The following NCKAP1 variants were observed in gnomAD, a reference collection of about 807,000 sequenced individuals.
NCKAP1 encodes nck-associated protein 1.
In NCKAP1, 21 loss-of-function variants were observed where a neutral mutation model predicts 151.2. The ratio of observed to expected loss-of-function variants is 0.14; its 90% confidence interval spans 0.10 to 0.20. The LOEUF (loss-of-function observed/expected upper bound fraction) is 0.20, where lower values mean the gene tolerates loss of function less well. Ranked by LOEUF, NCKAP1 falls within the 10% of genes least tolerant of loss-of-function variation. The probability of loss-of-function intolerance (pLI) is 1.00; values close to 1 mark genes in which losing one functional copy is unlikely to be tolerated. For synonymous variants in NCKAP1, 484 were observed against 451.8 expected, an observed-to-expected ratio of 1.07 and a Z score of -0.90; for missense variants, 933 against 1,352.1, an observed-to-expected ratio of 0.69 and a Z score of 4.86.
At chr2:182,984,650 A>G (rs1698014154) in intron 10 of NCKAP1, among the ~76,000 whole-genome samples, 1 of 150,542 alleles carries the variant, frequency 6.6e-6, no homozygotes, top group African/African-American at 2.4e-5. Context: ...ATCTTTCATG[A>G]TGCCTGATAT....
chr2:183,033,352 C>T (rs1699042243), intron 1 of NCKAP1, among the ~76,000 whole-genome samples: 1 of 152,200 alleles, frequency 6.6e-6, no homozygotes, highest in Admixed American at 6.5e-5. Context: ...CTGTCACTGG[C>T]TGCCTGAAGT....
chr2:182,945,874 T>C (rs1240619870), intron 23 of NCKAP1, among the ~76,000 whole-genome samples: 1 of 152,124 alleles, frequency 6.6e-6, no homozygotes, highest in Non-Finnish European at 1.5e-5. Flanking sequence ...TGAAGCACTA[T>C]TCACAACAAC....
intron 23 of NCKAP1, among the ~76,000 whole-genome samples, chr2:182,944,299 T>C (rs1181816716): frequency 6.6e-6 from 1 of 152,158 alleles, no homozygotes; most frequent in Non-Finnish European, 1.5e-5. Context: ...AAAAAAAGTT[T>C]GATATAATTT....
intron 2 of NCKAP1, among the ~76,000 whole-genome samples, chr2:183,015,829 C>A (rs1575066451): frequency 7.0e-6 from 1 of 142,572 alleles, no homozygotes; most frequent in Non-Finnish European, 1.5e-5. Context: ...ACAATTTTGA[C>A]AACATGAGAA....
chr2:182,909,802 G>A lies in NCKAP1; in HGVS notation c.*15900C>T, dbSNP rs1290508564. 6.6e-6 allele frequency: 1 copy of A among 152,152 alleles called. No homozygotes were observed. Among genetic ancestry groups the A allele is most frequent in the African/African-American group, 2.4e-5 (1 of 41,434 alleles). The allele number at this position is 152,152 out of a possible 1,614,324, so 9.4% of individuals were successfully genotyped here. A position where few individuals can be genotyped will look rare whatever the true frequency, so the allele number is the denominator to read the frequency against. On this transcript the variant is annotated 3_prime_UTR_variant, in exon 31 of 31. Coordinates refer to ENST00000361354, the MANE Select transcript of NCKAP1 (RefSeq NM_013436.5). Reference sequence around the variant, plus strand: ...TGTAGTTCTCAGAATAGAACAGGGAGCCCAACCTGAGCTGAGCTTCTTGGG... The same window carrying A: ...TGTAGTTCTCAGAATAGAACAGGGAACCCAACCTGAGCTGAGCTTCTTGGG...
At position 182,954,100 on chromosome 2, in the gene NCKAP1, C is replaced by G. The variant is rs180835588; in HGVS notation, c.2154-769G>C. The stretch of plus-strand genomic sequence containing the variant: ...TCTCCCAGAGGAAAAAAATAAAGCT[C>G]AGGACTCACATAAATTGATAAGGTT... On this transcript the variant is annotated intron_variant, in intron 20 of 30. Coordinates refer to ENST00000361354, the MANE Select transcript of NCKAP1 (RefSeq NM_013436.5). Among the ~76,000 whole-genome samples, 15 of 152,218 alleles carry G rather than the reference C, an allele frequency of 9.9e-5. No individual in the cohort carries two copies. In the East Asian group the frequency reaches 1.2e-3, roughly 12 times the overall value.
At chr2:182,999,993 T>C (rs963067307) in intron 6 of NCKAP1, among the ~76,000 whole-genome samples, 5 of 152,092 alleles carry the variant, frequency 3.3e-5, no homozygotes, top group African/African-American at 1.2e-4. Flanking sequence ...CACTGGGGAC[T>C]CCAGAAGTGG....
At chr2:182,981,219 G>A (rs1697930314) in intron 13 of NCKAP1, 25 bp downstream of exon 13, 4 of 1,604,208 alleles carry the variant, frequency 2.5e-6, no homozygotes, top group South Asian at 2.3e-5. Flanking sequence ...GGAACAAAAG[G>A]GAAATAGTAT....
rs1697595183 is a variant in NCKAP1, at chr2:182,967,431, G to C, written c.1483-70C>G. On this transcript the variant is annotated intron_variant, in intron 15 of 30. Transcript: ENST00000361354. ...GACTTCGGACTTGTCATTTTACAGGGGGAAAAGCATCACTGAAAGATACTT... is the reference window on the plus strand; with the variant it reads ...GACTTCGGACTTGTCATTTTACAGGCGGAAAAGCATCACTGAAAGATACTT... 2.2e-6 allele frequency: 3 copies of C among 1,350,804 alleles called. No individual in the cohort carries two copies. In the Admixed American group the frequency reaches 6.5e-5, roughly 29 times the overall value. The allele number at this position is 1,350,804 out of a possible 1,614,324, so 83.7% of individuals were successfully genotyped here.
intron 6 of NCKAP1, among the ~76,000 whole-genome samples, chr2:182,997,922 A>G (rs1293843438): frequency 6.6e-6 from 1 of 152,150 alleles, no homozygotes; most frequent in Non-Finnish European, 1.5e-5. Flanking sequence ...AGACACAAAA[A>G]TCCTCAACAA....
In NCKAP1 at chr2:183,021,799, CA is replaced by C. The variant is rs573405148; in HGVS notation, c.219+2006del. 3.0e-3 allele frequency among the ~76,000 whole-genome samples: 460 copies of C among 152,074 alleles called. 2 individuals are homozygous for C. Among genetic ancestry groups the C allele is most frequent in the African/African-American group, 9.8e-3 (408 of 41,496 alleles). ...TAGGGCAGGGGTGTTGGCAGGAAAT[CA>C]GGGGTGACTGCTAATGGGCACAAAG... On this transcript the variant is annotated intron_variant, in intron 2 of 30. Coordinates refer to ENST00000361354, the MANE Select transcript of NCKAP1 (RefSeq NM_013436.5).
intron 1 of NCKAP1, among the ~76,000 whole-genome samples, chr2:183,031,416 A>C (rs1392500288): frequency 1.3e-5 from 2 of 152,232 alleles, no homozygotes; most frequent in African/African-American, 4.8e-5. Context: ...GGTTAAAAAG[A>C]AATTGTTATT....
At chr2:182,979,364 A>C (rs903919333) in intron 13 of NCKAP1, among the ~76,000 whole-genome samples, 2 of 152,076 alleles carry the variant, frequency 1.3e-5, no homozygotes, top group African/African-American at 4.8e-5. Context: ...ACATGCACTA[A>C]AAATGAATGA....
chr2:183,024,856 T>A, intron 1 of NCKAP1: 1 of 1,122,698 alleles, frequency 8.9e-7, no homozygotes, highest in Non-Finnish European at 1.3e-6. Flanking sequence ...ACTACTGCAA[T>A]TTTATAGTTT....
At chr2:182,935,114 T>C (rs988489833) in intron 25 of NCKAP1, among the ~76,000 whole-genome samples, 179 bp downstream of exon 25, 1 of 152,164 alleles carries the variant, frequency 6.6e-6, no homozygotes, top group Non-Finnish European at 1.5e-5. Flanking sequence ...CAAGCAGCAG[T>C]ACCAAAACAA....
chr2:183,008,872 C>T (rs1424987993), intron 2 of NCKAP1, among the ~76,000 whole-genome samples: 1 of 152,148 alleles, frequency 6.6e-6, no homozygotes, highest in East Asian at 1.9e-4. Context: ...TAGAGACTGA[C>T]ATATGCATAT....
In NCKAP1 at chr2:183,038,151, C is replaced by G; in HGVS notation, c.-52G>C. The G allele has an allele frequency of 1.5e-6, 2 of 1,370,700 alleles. No homozygotes were observed. The highest frequency in any genetic ancestry group is 1.9e-6 in the Non-Finnish European group (2 of 1,031,702). 84.9% of individuals were successfully genotyped at this position (1,370,700 alleles called of 1,614,324 possible). A position where few individuals can be genotyped will look rare whatever the true frequency, so the allele number is the denominator to read the frequency against. On this transcript the variant is annotated 5_prime_UTR_variant, in exon 1 of 31. Coordinates refer to ENST00000361354, the MANE Select transcript of NCKAP1 (RefSeq NM_013436.5). Reference sequence around the variant, plus strand: ...CGGCCGCCTCGCGCCCAGTCACGGGCCCGCGGCCTTCGCAGCAGCCTCTCT... The same window carrying G: ...CGGCCGCCTCGCGCCCAGTCACGGGGCCGCGGCCTTCGCAGCAGCCTCTCT...
At chr2:183,011,591 A>C (rs1698591211) in intron 2 of NCKAP1, among the ~76,000 whole-genome samples, 1 of 152,200 alleles carries the variant, frequency 6.6e-6, no homozygotes. Context: ...CGTTTATCGT[A>C]GTTTGTTCCT....
In NCKAP1 at chr2:182,925,551, A is replaced by G; in HGVS notation, c.*151T>C. ...ACCAAGTATACTGTAGTACAACCAT[A>G]TTAAGAAACCAATGATCAGAAAATA... On this transcript the variant is annotated 3_prime_UTR_variant, in exon 31 of 31. Transcript: ENST00000361354. The G allele has an allele frequency of 2.2e-6, 1 of 452,082 alleles. No homozygotes were observed. The allele number at this position is 452,082 out of a possible 1,614,324, so 28.0% of individuals were successfully genotyped here. A position where few individuals can be genotyped will look rare whatever the true frequency, so the allele number is the denominator to read the frequency against.
Sources: allele counts gnomAD v4.1 joint callset (sites outside exome capture counted in the v4.1 genomes callset), GRCh38; gene constraint gnomAD v4.1.1; transcripts MANE v1.5; gene names NCBI Gene and HGNC (gene_info 2026-07-23, HGNC 2026-07-21).